The following UIMC1 variants were observed in gnomAD, a reference collection of about 807,000 sequenced individuals.
The protein encoded by UIMC1 is BRCA1-A complex subunit RAP80.
UIMC1 carries 42 observed loss-of-function variants against 84.9 expected under a neutral mutation model. The ratio of observed to expected loss-of-function variants is 0.49; its 90% confidence interval spans 0.39 to 0.64. The LOEUF (loss-of-function observed/expected upper bound fraction) is 0.64, where lower values mean the gene tolerates loss of function less well. Among genes scored for constraint, UIMC1 ranks in the 30% least tolerant of loss-of-function variants. The pLI, the probability that UIMC1 is intolerant of heterozygous loss-of-function variation, is 0.00. For synonymous variants in UIMC1, 281 were observed against 293.0 expected (o/e 0.96, Z 0.42); for missense variants, 825 against 847.6 (o/e 0.97, Z 0.33).
At chr5:177,006,378 C>A (rs1775269723) in intron 1 of UIMC1, 1 of 152,268 alleles carries the variant, frequency 6.6e-6, no homozygotes, top group Non-Finnish European at 1.5e-5. Context: ...GCCCCGGAAT[C>A]GGGAGGGTCC....
intron 6 of UIMC1, among the ~76,000 whole-genome samples, chr5:176,965,451 G>A (rs996562988): frequency 6.6e-6 from 1 of 150,888 alleles, no homozygotes; most frequent in African/African-American, 2.4e-5. Context: ...GAGATACCTC[G>A]CTTCCTTATA....
chr5:176,939,729 G>A (rs1764189462), intron 10 of UIMC1, among the ~76,000 whole-genome samples: 2 of 152,230 alleles, frequency 1.3e-5, no homozygotes, highest in African/African-American at 4.8e-5. Context: ...CCCCATCACT[G>A]AGCAACACGT....
intron 8 of UIMC1, among the ~76,000 whole-genome samples, chr5:176,952,492 T>C (rs1766009681): frequency 6.6e-6 from 1 of 152,220 alleles, no homozygotes; most frequent in Non-Finnish European, 1.5e-5. Flanking sequence ...CCTATTTTTC[T>C]AAGTAAGGTT....
intron 1 of UIMC1, among the ~76,000 whole-genome samples, chr5:177,005,602 G>A (rs1369619384): frequency 6.6e-6 from 1 of 151,814 alleles, no homozygotes; most frequent in Non-Finnish European, 1.5e-5. Context: ...TGTTCCACAT[G>A]AGGAAACTTA....
At chr5:176,911,432 C>T in intron 10 of UIMC1, 43 bp from the exon 11 acceptor site, 1 of 1,330,070 alleles carries the variant, frequency 7.5e-7, no homozygotes, top group Non-Finnish European at 9.9e-7. Flanking sequence ...TAGTTAGCTG[C>T]CAGTAGACTC....
At chr5:177,018,732 A>G (rs1775725427) in intron 1 of UIMC1, among the ~76,000 whole-genome samples, 1 of 152,188 alleles carries the variant, frequency 6.6e-6, no homozygotes, top group Non-Finnish European at 1.5e-5. Flanking sequence ...GTGACAATGA[A>G]GGCTGTTCAG....
At chr5:177,007,771 C>A (rs1195260252), upstream of UIMC1, among the ~76,000 whole-genome samples, 1 of 151,986 alleles carries the variant, frequency 6.6e-6, no homozygotes, top group Non-Finnish European at 1.5e-5. Context: ...TGGGGAGAAG[C>A]AAACAGGACT....
chr5:176,977,893 A>T (rs1048771721), intron 2 of UIMC1, among the ~76,000 whole-genome samples: 6 of 152,100 alleles, frequency 3.9e-5, no homozygotes, highest in Non-Finnish European at 7.4e-5. Context: ...CTTGGGCAAC[A>T]GAGCGAGACT....
At chr5:176,919,667 G>A (rs1260357275) in intron 10 of UIMC1, among the ~76,000 whole-genome samples, 3 of 152,140 alleles carry the variant, frequency 2.0e-5, no homozygotes, top group South Asian at 2.1e-4. Flanking sequence ...ATTTTCATAC[G>A]TAGTATAAAC....
intron 1 of UIMC1, among the ~76,000 whole-genome samples, chr5:176,991,362 T>C (rs934619693): frequency 2.6e-5 from 4 of 151,808 alleles, no homozygotes; most frequent in African/African-American, 9.7e-5. Context: ...GCTACTACCA[T>C]AATGAAGACT....
Position 176,906,048 on chromosome 5 carries a change from C to T in UIMC1, c.1913-1G>A, listed in dbSNP as rs1164776265. On this transcript the variant is annotated splice_acceptor_variant, in intron 13 of 14. Transcript: ENST00000511320. LOFTEE classifies it high-confidence loss of function. ...GTTTCTGAAGACTTGATGTCTGCAT[C>T]TGTGATATAAAAGAAAAAATAATAA... 1 of 1,613,630 alleles carries T rather than the reference C, an allele frequency of 6.2e-7. No homozygotes were observed. Among genetic ancestry groups the T allele is most frequent in the Non-Finnish European group, 8.5e-7 (1 of 1,179,834 alleles).
intron 3 of UIMC1, among the ~76,000 whole-genome samples, chr5:176,971,207 C>T (rs1769146703): frequency 6.6e-6 from 1 of 152,170 alleles, no homozygotes; most frequent in African/African-American, 2.4e-5. Context: ...GGAATTAATG[C>T]CCACTCTAGA....
At chr5:176,999,576 G>C (rs1029724334) in intron 1 of UIMC1, among the ~76,000 whole-genome samples, 7 of 148,900 alleles carry the variant, frequency 4.7e-5, no homozygotes, top group African/African-American at 9.9e-5. Flanking sequence ...CCAACCTCTA[G>C]TAACCATCCT....
chr5:176,951,466 A>G lies in UIMC1; in HGVS notation c.1443+8T>C. 13 of 1,492,976 alleles carry G rather than the reference A, an allele frequency of 8.7e-6. No individual in the cohort carries two copies. The highest frequency in any genetic ancestry group is 2.9e-5 in the African/African-American group (2 of 69,750). 92.5% of individuals were successfully genotyped at this position (1,492,976 alleles called of 1,614,324 possible). Reference sequence around the variant, plus strand: ...CCACTGAGAAAAAATATAGAGGAAAATATTCACCTCCTTATCTGCCATTAT... The same window carrying G: ...CCACTGAGAAAAAATATAGAGGAAAGTATTCACCTCCTTATCTGCCATTAT... On this transcript the variant is annotated splice_region_variant and intron_variant, in intron 9 of 14. Coordinates refer to ENST00000511320, the MANE Select transcript of UIMC1 (RefSeq NM_001199298.2).
chr5:177,005,505 G>A (rs1775124897), intron 1 of UIMC1, among the ~76,000 whole-genome samples: 1 of 151,432 alleles, frequency 6.6e-6, no homozygotes. Flanking sequence ...TTCAGCCTCA[G>A]TTTAGGACAA....
In UIMC1 at chr5:176,907,173, T is replaced by C; in HGVS notation, c.1853A>G (p.Lys618Arg). 2 of 1,613,432 alleles carry C rather than the reference T, an allele frequency of 1.2e-6. No individual in the cohort carries two copies. Among genetic ancestry groups the C allele is most frequent in the Non-Finnish European group, 8.5e-7 (1 of 1,179,686 alleles). The change falls in exon 13 of 15, where the codon AAA becomes AGA. Residue 618 changes from lysine to arginine, a missense_variant. Physicochemically the swap from Lys to Arg is conservative, Grantham distance 26. Transcript: ENST00000511320. ...AAGGAGTCGGCCTTCACTGTGGCCTTTTTCCTGTAACAGAGAAAAACAGAT... is the reference window on the plus strand; with the variant it reads ...AAGGAGTCGGCCTTCACTGTGGCCTCTTTCCTGTAACAGAGAAAAACAGAT... The part of the protein sequence containing the change: ...WQQRLKNPKE[K>R]GHSEGRLLSF...
At chr5:176,924,057 C>T (rs113213768) in intron 10 of UIMC1, among the ~76,000 whole-genome samples, 4,475 of 151,922 alleles carry the variant, frequency 0.029, 240 homozygotes, top group African/African-American at 0.1. Context: ...GTGGCTCACG[C>T]GTGTAATCCC....
intron 9 of UIMC1, among the ~76,000 whole-genome samples, chr5:176,948,203 A>T (rs927385014): frequency 6.6e-6 from 1 of 152,262 alleles, no homozygotes; most frequent in African/African-American, 2.4e-5. Flanking sequence ...CAAGATATTC[A>T]GAAACACTAT....
intron 7 of UIMC1, 22 bp from the exon 8 acceptor site, chr5:176,956,057 A>G (rs758143931): frequency 5.0e-6 from 8 of 1,610,628 alleles, no homozygotes; most frequent in African/African-American, 2.7e-5. Context: ...CCAAATCCCA[A>G]ATGAATTCCC....
Sources: gnomAD v4.1 joint callset for allele counts (sites outside exome capture counted in the v4.1 genomes callset) on GRCh38, gnomAD v4.1.1 for gene constraint, MANE v1.5 for transcripts, NCBI Gene and HGNC (gene_info 2026-07-23, HGNC 2026-07-21) for gene names.